The following CORIN variants were observed in gnomAD, a reference collection of about 807,000 sequenced individuals.
The protein encoded by CORIN is atrial natriuretic peptide-converting enzyme.
In CORIN, 117 loss-of-function variants were observed where a neutral mutation model predicts 125.3. That is an observed-to-expected ratio of 0.93 (90% CI 0.80 to 1.09). The LOEUF (loss-of-function observed/expected upper bound fraction) is 1.09. Ranked by LOEUF, CORIN falls within the 50% of genes least tolerant of loss-of-function variation. The pLI, the probability that CORIN is intolerant of heterozygous loss-of-function variation, is 0.00. For missense variants in CORIN, 1,253 were observed against 1,306.7 expected (o/e 0.96, Z 0.63); for synonymous variants, 450 against 466.4 (o/e 0.96, Z 0.45).
intron 5 of CORIN, among the ~76,000 whole-genome samples, chr4:47,700,777 A>C (rs1449743499): frequency 1.3e-5 from 2 of 152,152 alleles, no homozygotes; most frequent in Non-Finnish European, 2.9e-5. Context: ...GGTCTCTGCT[A>C]TATAATGGGA....
intron 1 of CORIN, among the ~76,000 whole-genome samples, chr4:47,819,647 T>C (rs2109973002): frequency 6.6e-6 from 1 of 152,238 alleles, no homozygotes; most frequent in East Asian, 1.9e-4. Context: ...GGAGAAATGA[T>C]CCCATTAGCC....
chr4:47,777,502 A>G (rs1160064329), intron 3 of CORIN, among the ~76,000 whole-genome samples: 1 of 152,106 alleles, frequency 6.6e-6, no homozygotes, highest in Non-Finnish European at 1.5e-5. Flanking sequence ...GTGGTGGCAC[A>G]CACCTGTTAT....
chr4:47,667,278 A>G (rs1054412490), intron 10 of CORIN, among the ~76,000 whole-genome samples: 3 of 152,170 alleles, frequency 2.0e-5, no homozygotes, highest in Non-Finnish European at 4.4e-5. Context: ...GCCCAGTCTC[A>G]GGTATGTCTT....
intron 1 of CORIN, among the ~76,000 whole-genome samples, chr4:47,836,249 T>A (rs993806764): frequency 1.3e-5 from 2 of 152,124 alleles, no homozygotes; most frequent in Admixed American, 6.5e-5. Context: ...TTTAGCACAA[T>A]CTCACACAAC....
chr4:47,817,959 G>T (rs1732346711), intron 1 of CORIN, among the ~76,000 whole-genome samples: 1 of 152,158 alleles, frequency 6.6e-6, no homozygotes, highest in South Asian at 2.1e-4. Flanking sequence ...ACAGCTGGTA[G>T]ATTTCATTTG....
At position 47,676,969 on chromosome 4, in the gene CORIN, G is replaced by C. The variant is rs532437112; in HGVS notation, c.1249+969C>G. 1.2e-3 allele frequency among the ~76,000 whole-genome samples: 177 copies of C among 152,250 alleles called. 1 individual carries two copies. The highest frequency in any genetic ancestry group is 4.2e-3 in the African/African-American group (173 of 41,542). ...TATGTAATAAGTCTGTGACTGAAAAGCTCTCCCTTTAGGTCTTGGGCATTT... is the reference window on the plus strand; with the variant it reads ...TATGTAATAAGTCTGTGACTGAAAACCTCTCCCTTTAGGTCTTGGGCATTT... On this transcript the variant is annotated intron_variant, in intron 9 of 21. Transcript: ENST00000273857.
At chr4:47,618,541 T>C (rs1465185620) in intron 19 of CORIN, among the ~76,000 whole-genome samples, 2 of 151,766 alleles carry the variant, frequency 1.3e-5, no homozygotes, top group East Asian at 3.9e-4. Flanking sequence ...AGGCGAGGGC[T>C]GGGCGCAGTG....
intron 8 of CORIN, among the ~76,000 whole-genome samples, chr4:47,678,846 T>C (rs1173358006): frequency 6.6e-6 from 1 of 152,186 alleles, no homozygotes; most frequent in Non-Finnish European, 1.5e-5. Flanking sequence ...CACCATGTCC[T>C]TGCTTCTCCA....
At chr4:47,738,029 A>G (rs1728209523) in intron 5 of CORIN, among the ~76,000 whole-genome samples, 1 of 152,162 alleles carries the variant, frequency 6.6e-6, no homozygotes, top group South Asian at 2.1e-4. Flanking sequence ...TTAACACTGT[A>G]ACTGTCTGAG....
chr4:47,679,841 A>C (rs1560502521), intron 8 of CORIN: 3 of 222,388 alleles, frequency 1.3e-5, no homozygotes, highest in Non-Finnish European at 1.8e-5. Flanking sequence ...CCTTTGACAA[A>C]GTCACAGAAG....
chr4:47,661,873 G>C lies in CORIN; in HGVS notation c.1590-17C>G, dbSNP rs138988356. ...CACAATGCCCTAGATGAACAAGAAA[G>C]ACAAAACATTAGAAGCAGAAATAGC... On this transcript the variant is annotated splice_polypyrimidine_tract_variant and intron_variant, in intron 11 of 21. Transcript: ENST00000273857. 124 of 1,571,806 alleles carry C rather than the reference G, an allele frequency of 7.9e-5. 1 individual carries two copies. In the East Asian group the frequency reaches 2.8e-3, roughly 35 times the overall value.
chr4:47,819,538 G>A (rs1688946144), intron 1 of CORIN, among the ~76,000 whole-genome samples: 2 of 152,182 alleles, frequency 1.3e-5, no homozygotes, highest in South Asian at 4.1e-4. Context: ...AGGCTAATAT[G>A]AGGAACCAAC....
intron 16 of CORIN, among the ~76,000 whole-genome samples, chr4:47,629,433 G>T (rs1020517580): frequency 1.3e-5 from 2 of 151,794 alleles, no homozygotes; most frequent in Non-Finnish European, 1.5e-5. Context: ...TATGTATTTT[G>T]GATACTAACC....
At chr4:47,606,720 CT>C (rs1481332285) in intron 19 of CORIN, among the ~76,000 whole-genome samples, 1 of 143,312 alleles carries the variant, frequency 7.0e-6, no homozygotes, top group African/African-American at 2.6e-5. Context: ...TCTTCCTTTC[CT>C]TTTTTCCTTC....
At chr4:47,642,188 T>C (rs61759686) in intron 15 of CORIN, 139 bp from the exon 16 acceptor site, 1,055 of 797,146 alleles carry the variant, frequency 1.3e-3, no homozygotes, top group Non-Finnish European at 1.7e-3. Flanking sequence ...GTACCTACCC[T>C]GTGCAAATCA....
chr4:47,699,059 A>G (rs1331344381), intron 5 of CORIN, among the ~76,000 whole-genome samples: 1 of 152,186 alleles, frequency 6.6e-6, no homozygotes, highest in African/African-American at 2.4e-5. Flanking sequence ...ACTTCTTAGA[A>G]TGTATACCCA....
chr4:47,615,684 T>G (rs1419155557), intron 19 of CORIN, among the ~76,000 whole-genome samples: 1 of 152,116 alleles, frequency 6.6e-6, no homozygotes, highest in African/African-American at 2.4e-5. Flanking sequence ...ACCACCGGGA[T>G]CTAGGCAACA....
chr4:47,805,014 T>A (rs1263523116), intron 2 of CORIN, among the ~76,000 whole-genome samples: 1 of 151,272 alleles, frequency 6.6e-6, no homozygotes, highest in Non-Finnish European at 1.5e-5. Context: ...CGGGCGCCTG[T>A]AGTCCCAGCT....
At chr4:47,767,512 A>G (rs1384816524) in intron 3 of CORIN, among the ~76,000 whole-genome samples, 1 of 152,208 alleles carries the variant, frequency 6.6e-6, no homozygotes, top group Non-Finnish European at 1.5e-5. Flanking sequence ...TCAAGACAGA[A>G]GAGAACTTTA....
Sources: gnomAD v4.1 joint callset for allele counts (sites outside exome capture counted in the v4.1 genomes callset) on GRCh38, gnomAD v4.1.1 for gene constraint, MANE v1.5 for transcripts, NCBI Gene and HGNC (gene_info 2026-07-23, HGNC 2026-07-21) for gene names.